IGSF11: variants seen among roughly 807,000 people sequenced by gnomAD.
The protein encoded by IGSF11 is immunoglobulin superfamily member 11, also known as CXADR like 1.
A neutral mutation model predicts 41.0 loss-of-function variants in IGSF11; 22 were observed. The ratio of observed to expected loss-of-function variants is 0.54; its 90% CI spans 0.38 to 0.77. The LOEUF (loss-of-function observed/expected upper bound fraction) is 0.77. IGSF11 is among the 30% of genes least tolerant of loss of function. The probability of loss-of-function intolerance (pLI) is 0.00; values close to 1 mark genes in which losing one functional copy is unlikely to be tolerated. For synonymous variants in IGSF11, 219 were observed against 201.3 expected (o/e 1.09, Z -0.74); for missense variants, 444 against 530.8 (o/e 0.84, Z 1.61).
At chr3:119,084,713 CT>C (rs2076642312) in intron 1 of IGSF11, among the ~76,000 whole-genome samples, 1 of 152,360 alleles carries the variant, frequency 6.6e-6, no homozygotes, top group Non-Finnish European at 1.5e-5. Flanking sequence ...GCAGGCTCTA[CT>C]GCCCAACCTG....
At chr3:118,931,697 C>T (rs941425765) in intron 1 of IGSF11, among the ~76,000 whole-genome samples, 1 of 151,414 alleles carries the variant, frequency 6.6e-6, no homozygotes. Flanking sequence ...AACTAGGTTC[C>T]TGTGATGGTT....
intron 1 of IGSF11, among the ~76,000 whole-genome samples, chr3:119,052,064 A>C (rs1411603006): frequency 1.3e-5 from 2 of 152,178 alleles, no homozygotes; most frequent in Non-Finnish European, 2.9e-5. Flanking sequence ...CTCACACCTC[A>C]AGGAACTAGA....
intron 1 of IGSF11, among the ~76,000 whole-genome samples, chr3:118,950,434 C>A (rs994949714): frequency 6.6e-6 from 1 of 152,072 alleles, no homozygotes; most frequent in Non-Finnish European, 1.5e-5. Flanking sequence ...CGAGATACAA[C>A]AGTATTATGA....
At chr3:119,044,631 G>A (rs1478618041) in intron 1 of IGSF11, among the ~76,000 whole-genome samples, 2 of 152,146 alleles carry the variant, frequency 1.3e-5, no homozygotes, top group African/African-American at 4.8e-5. Flanking sequence ...ATATTAAGAT[G>A]AAGAAAAGAA....
At chr3:118,942,068 C>T (rs1169905902) in intron 1 of IGSF11, among the ~76,000 whole-genome samples, 1 of 152,064 alleles carries the variant, frequency 6.6e-6, no homozygotes, top group African/African-American at 2.4e-5. Flanking sequence ...GTAGTGAACA[C>T]AAGACGAGAC....
intron 1 of IGSF11, among the ~76,000 whole-genome samples, chr3:119,022,427 T>A (rs1939386218): frequency 6.6e-6 from 1 of 152,214 alleles, no homozygotes; most frequent in South Asian, 2.1e-4. Flanking sequence ...AAATGTTATG[T>A]TATATATATT....
At chr3:119,055,363 G>T (rs1257649206) in intron 1 of IGSF11, among the ~76,000 whole-genome samples, 1 of 152,170 alleles carries the variant, frequency 6.6e-6, no homozygotes, top group East Asian at 1.9e-4. Context: ...AAGGCTAAAA[G>T]AGACAAAGAA....
intron 1 of IGSF11, among the ~76,000 whole-genome samples, chr3:119,001,353 T>G (rs1348186458): frequency 1.3e-5 from 2 of 151,738 alleles, no homozygotes; most frequent in African/African-American, 2.4e-5. Flanking sequence ...GAACTTCTTT[T>G]TGCTTGGCTT....
At chr3:119,144,950 A>G (rs578091891) in intron 1 of IGSF11, among the ~76,000 whole-genome samples, 78 of 152,254 alleles carry the variant, frequency 5.1e-4, no homozygotes, top group African/African-American at 1.8e-3. Context: ...ATAGCCCAAG[A>G]CCTATTTTAC....
chr3:119,106,356 A>G (rs970961466), upstream of IGSF11, among the ~76,000 whole-genome samples: 13 of 152,090 alleles, frequency 8.5e-5, no homozygotes, highest in African/African-American at 3.1e-4. Context: ...TTCCCCCCGA[A>G]CTTCCCACTA....
chr3:119,116,252 GCT>G (rs1198897590), intron 1 of IGSF11, among the ~76,000 whole-genome samples: 1 of 152,072 alleles, frequency 6.6e-6, no homozygotes, highest in Non-Finnish European at 1.5e-5. Flanking sequence ...GAAGGAATAT[GCT>G]CTTTTTTTTT....
chr3:119,113,513 CCT>C (rs1345727784), intron 1 of IGSF11, among the ~76,000 whole-genome samples: 2 of 152,182 alleles, frequency 1.3e-5, no homozygotes, highest in South Asian at 2.1e-4. Flanking sequence ...CCTTTGACTC[CCT>C]GTCTCACATC....
At chr3:119,040,081 G>C (rs1211106817) in intron 1 of IGSF11, among the ~76,000 whole-genome samples, 1 of 152,154 alleles carries the variant, frequency 6.6e-6, no homozygotes, top group African/African-American at 2.4e-5. Flanking sequence ...TAGAAATTAT[G>C]GTTTAGGAGT....
chr3:118,911,338 T>C (rs1940263255), intron 4 of IGSF11, among the ~76,000 whole-genome samples: 1 of 152,180 alleles, frequency 6.6e-6, no homozygotes. Flanking sequence ...TTCAGCACTT[T>C]TAGTGGGTGA....
intron 1 of IGSF11, among the ~76,000 whole-genome samples, chr3:118,985,383 C>A (rs1935150029): frequency 6.6e-6 from 1 of 152,132 alleles, no homozygotes; most frequent in South Asian, 2.1e-4. Flanking sequence ...GTCTCTGTCA[C>A]AATGCAAAGA....
Position 119,092,427 on chromosome 3 carries a change from C to T in IGSF11, c.49+12717G>A, listed in dbSNP as rs540728073. Among the ~76,000 whole-genome samples the T allele has an allele frequency of 2.0e-4, 30 of 152,136 alleles. 1 individual carries two copies. The Middle Eastern group carries it at 0.017, about 86-fold the overall frequency. The stretch of plus-strand genomic sequence containing the variant: ...TTTGGCTCACTGCAACCTCAGCCTC[C>T]CAGGTTCAAGAGATTCTCCTGTCTC... On this transcript the variant is annotated intron_variant, in intron 1 of 6. Transcript: ENST00000354673.
chr3:119,063,859 G>A (rs1473031983), intron 1 of IGSF11, among the ~76,000 whole-genome samples: 2 of 152,228 alleles, frequency 1.3e-5, no homozygotes, highest in Admixed American at 6.5e-5. Flanking sequence ...GAAGTCAAAT[G>A]TGAGTGTCTT....
intron 1 of IGSF11, chr3:119,012,833 T>C (rs1248934007): frequency 6.6e-6 from 1 of 152,216 alleles, no homozygotes; most frequent in Non-Finnish European, 1.5e-5. Context: ...TTCCAATCCA[T>C]CCTCCACACT....
chr3:118,952,778 A>T (rs562498861), intron 1 of IGSF11, among the ~76,000 whole-genome samples: 1 of 152,308 alleles, frequency 6.6e-6, no homozygotes, highest in Non-Finnish European at 1.5e-5. Flanking sequence ...ATAAGACACA[A>T]GCACTTAAAG....
Sources: gnomAD v4.1 joint callset for allele counts (sites outside exome capture counted in the v4.1 genomes callset) on GRCh38, gnomAD v4.1.1 for gene constraint, MANE v1.5 for transcripts, NCBI Gene and HGNC (gene_info 2026-07-23, HGNC 2026-07-21) for gene names.